TANC2: variants seen among roughly 807,000 people sequenced by gnomAD.
TANC2 encodes the protein protein TANC2.
TANC2 carries 26 observed loss-of-function variants against 210.5 expected under a neutral mutation model. The observed-to-expected ratio is 0.12, with a 90% CI of 0.09 to 0.17. The LOEUF (loss-of-function observed/expected upper bound fraction) is 0.17. Among genes scored for constraint, TANC2 ranks in the 10% least tolerant of loss-of-function variants. The pLI is 1.00. For missense variants in TANC2, 2,129 were observed against 2,608.9 expected, an observed-to-expected ratio of 0.82 and a Z score of 4.01; for synonymous variants, 931 against 967.1, an observed-to-expected ratio of 0.96 and a Z score of 0.69.
rs1328683357 is a variant in TANC2, at chr17:63,094,364, C to T, written c.140-4811C>T. Among the ~76,000 whole-genome samples the T allele has an allele frequency of 5.3e-5, 8 of 152,214 alleles. No individual in the cohort carries two copies. The East Asian group carries it at 1.2e-3, about 22-fold the overall frequency. On this transcript the variant is annotated intron_variant, in intron 3 of 27. Transcript: ENST00000689528. ...AGGCAAAACTCCTTTGCTTCTGTTA[C>T]ATAATGCAAAATCGCTTTGTCTTTA...
chr17:62,994,348 A>AT (rs373819801), intron 1 of TANC2, among the ~76,000 whole-genome samples: 43,227 of 137,018 alleles, frequency 0.32, 7,132 homozygotes, highest in African/African-American at 0.45. Flanking sequence ...CACCTGGCTC[A>AT]TTTTTTTTTT....
chr17:63,269,442 A>T (rs1176525887), intron 9 of TANC2, among the ~76,000 whole-genome samples: 12 of 152,166 alleles, frequency 7.9e-5, no homozygotes, highest in Non-Finnish European at 5.9e-5. Context: ...GTAATAAAGA[A>T]GATTGGACAG....
chr17:63,204,437 CTCTA>C (rs74921849), intron 7 of TANC2, among the ~76,000 whole-genome samples: 33,807 of 151,782 alleles, frequency 0.22, 3,816 homozygotes, highest in South Asian at 0.3. Context: ...TCAAATCAAT[CTCTA>C]TCACAATCCC....
intron 5 of TANC2, among the ~76,000 whole-genome samples, chr17:63,178,364 G>A (rs754985659): frequency 3.3e-5 from 5 of 152,084 alleles, no homozygotes; most frequent in African/African-American, 4.8e-5. Flanking sequence ...CCCTATGGGC[G>A]CACATAAGCT....
chr17:63,051,725 C>A (rs2144393261), intron 2 of TANC2, among the ~76,000 whole-genome samples: 1 of 152,254 alleles, frequency 6.6e-6, no homozygotes, highest in African/African-American at 2.4e-5. Context: ...CATATTCTTT[C>A]ACTCTCAGTA....
At chr17:63,404,350 C>G (rs2048434750) in intron 19 of TANC2, among the ~76,000 whole-genome samples, 1 of 152,182 alleles carries the variant, frequency 6.6e-6, no homozygotes, top group Non-Finnish European at 1.5e-5. Context: ...CGTAAAATCT[C>G]CTTTGTATCA....
At chr17:62,984,428 A>T (rs543074247) in intron 1 of TANC2, among the ~76,000 whole-genome samples, 1 of 151,282 alleles carries the variant, frequency 6.6e-6, no homozygotes, top group Admixed American at 6.6e-5. Flanking sequence ...TGTCTCATTG[A>T]TCTTTAGTAT....
chr17:63,359,927 G>T (rs1375641472), intron 14 of TANC2, among the ~76,000 whole-genome samples: 1 of 152,196 alleles, frequency 6.6e-6, no homozygotes, highest in African/African-American at 2.4e-5. Context: ...CTTATAATAA[G>T]TGGTTTGTCG....
chr17:63,265,293 A>G (rs1567865297), intron 8 of TANC2, among the ~76,000 whole-genome samples: 1 of 152,140 alleles, frequency 6.6e-6, no homozygotes, highest in African/African-American at 2.4e-5. Flanking sequence ...ACATTTCAGA[A>G]TCTCCCACAA....
At chr17:63,306,528 A>G (rs956824843) in intron 9 of TANC2, among the ~76,000 whole-genome samples, 1 of 152,214 alleles carries the variant, frequency 6.6e-6, no homozygotes, top group Non-Finnish European at 1.5e-5. Flanking sequence ...CTTGCATTCT[A>G]GTTAAGAAGA....
At chr17:63,082,009 C>CAA (rs1228425475) in intron 3 of TANC2, among the ~76,000 whole-genome samples, 3 of 144,970 alleles carry the variant, frequency 2.1e-5, no homozygotes, top group African/African-American at 7.5e-5. Context: ...ACTAAAAATA[C>CAA]AAAAAAAAAA....
At chr17:63,075,535 A>AT (rs768517867) in intron 3 of TANC2, among the ~76,000 whole-genome samples, 28 of 148,516 alleles carry the variant, frequency 1.9e-4, no homozygotes, top group African/African-American at 1.0e-4. Flanking sequence ...AGAAATATAT[A>AT]TATTTTTTTA....
At chr17:63,379,760 G>A in exon 15 of TANC2, 1 of 1,613,094 alleles carries the variant, frequency 6.2e-7, no homozygotes, top group Non-Finnish European at 8.5e-7. Context: ...CCCGCCAAGA[G>A]GGAAAACTAA....
At chr17:63,098,225 G>C (rs1222268923) in intron 3 of TANC2, among the ~76,000 whole-genome samples, 1 of 151,954 alleles carries the variant, frequency 6.6e-6, no homozygotes, top group African/African-American at 2.4e-5. Flanking sequence ...CCTCCACAAA[G>C]ATTTATGTTT....
chr17:62,980,875 A>G (rs1353553260), intron 1 of TANC2, among the ~76,000 whole-genome samples: 4 of 151,768 alleles, frequency 2.6e-5, no homozygotes, highest in African/African-American at 9.7e-5. Context: ...TCATATCCTC[A>G]TTTCCTTTTC....
chr17:63,072,482 C>A (rs1226735954), intron 2 of TANC2, among the ~76,000 whole-genome samples: 1 of 151,944 alleles, frequency 6.6e-6, no homozygotes, highest in Non-Finnish European at 1.5e-5. Context: ...ATTTTGTCAA[C>A]ATGTCTATTT....
chr17:63,315,438 G>A (rs1220750993), intron 10 of TANC2, among the ~76,000 whole-genome samples: 1 of 152,108 alleles, frequency 6.6e-6, no homozygotes, highest in Admixed American at 6.5e-5. Context: ...GGTTTCAGAG[G>A]CCATTCTCCT....
At chr17:63,223,046 A>G (rs1359539647) in intron 7 of TANC2, among the ~76,000 whole-genome samples, 2 of 152,206 alleles carry the variant, frequency 1.3e-5, no homozygotes, top group Non-Finnish European at 2.9e-5. Context: ...GCCAAATATT[A>G]TGTATTCCCT....
At chr17:63,290,748 T>C (rs1466938153) in intron 9 of TANC2, among the ~76,000 whole-genome samples, 1 of 152,090 alleles carries the variant, frequency 6.6e-6, no homozygotes, top group Non-Finnish European at 1.5e-5. Flanking sequence ...GAAGTGGAAA[T>C]TCATGTCAAA....
Sources: allele counts gnomAD v4.1 joint callset (sites outside exome capture counted in the v4.1 genomes callset), GRCh38; gene constraint gnomAD v4.1.1; transcripts MANE v1.5; gene names NCBI Gene and HGNC (gene_info 2026-07-23, HGNC 2026-07-21).